HSD17B6: variants seen among roughly 807,000 people sequenced by gnomAD.
The protein encoded by HSD17B6 is 17-beta-hydroxysteroid dehydrogenase type 6.
HSD17B6 carries 16 observed loss-of-function variants against 26.4 expected under a neutral mutation model. That is an observed-to-expected ratio of 0.61 (90% CI 0.41 to 0.92). The LOEUF (loss-of-function observed/expected upper bound fraction) is 0.92. HSD17B6 is among the 40% of genes least tolerant of loss of function. The pLI is 0.00. For synonymous variants in HSD17B6, 139 were observed against 153.0 expected, an observed-to-expected ratio of 0.91 and a Z score of 0.68; for missense variants, 357 against 386.1, an observed-to-expected ratio of 0.92 and a Z score of 0.63.
chr12:56,769,823 A>G (rs1259595341), intron 1 of HSD17B6, among the ~76,000 whole-genome samples: 2 of 152,188 alleles, frequency 1.3e-5, no homozygotes, highest in Admixed American at 1.3e-4. Flanking sequence ...TATTCGAGGC[A>G]CATTCAGGTT....
At chr12:56,776,185 C>T (rs1316067134) in intron 2 of HSD17B6, among the ~76,000 whole-genome samples, 1 of 152,074 alleles carries the variant, frequency 6.6e-6, no homozygotes, top group Non-Finnish European at 1.5e-5. Context: ...CTTGGCCTTC[C>T]AAAATGTTAG....
chr12:56,766,218 C>A (rs1315102879), intron 1 of HSD17B6, among the ~76,000 whole-genome samples: 1 of 152,170 alleles, frequency 6.6e-6, no homozygotes, highest in East Asian at 1.9e-4. Context: ...TGCTGACTCT[C>A]TTTTCGGACT....
At chr12:56,778,203 C>T (rs1954633099) in intron 2 of HSD17B6, among the ~76,000 whole-genome samples, 1 of 152,224 alleles carries the variant, frequency 6.6e-6, no homozygotes, top group Non-Finnish European at 1.5e-5. Flanking sequence ...TGCCGCATTT[C>T]TCCATCTGGA....
At chr12:56,780,703 C>T (rs1230613721) in intron 2 of HSD17B6, among the ~76,000 whole-genome samples, 1 of 151,660 alleles carries the variant, frequency 6.6e-6, no homozygotes, top group African/African-American at 2.4e-5. Flanking sequence ...ACTAAAAATA[C>T]CAAAAAAATT....
At chr12:56,785,805 A>G (rs1406078853) in intron 4 of HSD17B6, 1 of 196,710 alleles carries the variant, frequency 5.1e-6, no homozygotes, top group African/African-American at 2.4e-5. Flanking sequence ...TTAATGTGAC[A>G]GGAGAAAGCA....
chr12:56,767,239 G>A (rs954855613), intron 1 of HSD17B6, among the ~76,000 whole-genome samples: 19 of 151,966 alleles, frequency 1.3e-4, no homozygotes, highest in African/African-American at 4.4e-4. Context: ...ACTGCCAGGC[G>A]CGGTGGCTCA....
At position 56,775,103 on chromosome 12, in the gene HSD17B6, G is replaced by A. The variant is rs143042700; in HGVS notation, c.313+938G>A. Among the ~76,000 whole-genome samples the A allele has an allele frequency of 3.5e-3, 531 of 152,370 alleles. 3 individuals carry two copies. The highest frequency in any genetic ancestry group is 0.012 in the African/African-American group (511 of 41,580). On this transcript the variant is annotated intron_variant, in intron 2 of 4. Coordinates refer to ENST00000322165, the MANE Select transcript of HSD17B6 (RefSeq NM_003725.4). ...GTGTGTATCAAAGCTGAGCTTAGAA[G>A]GCTGGCCTCGTCATTTGAAGGACTG...
chr12:56,785,597 C>T (rs969678508), intron 4 of HSD17B6, among the ~76,000 whole-genome samples: 1 of 152,232 alleles, frequency 6.6e-6, no homozygotes, highest in Non-Finnish European at 1.5e-5. Context: ...TGGGGCCAGG[C>T]TCTTCCCTGC....
chr12:56,776,122 C>T (rs1375929561), intron 2 of HSD17B6, among the ~76,000 whole-genome samples: 1 of 151,956 alleles, frequency 6.6e-6, no homozygotes, highest in Non-Finnish European at 1.5e-5. Flanking sequence ...GATGGGTTTT[C>T]ACCATGTTGG....
intron 3 of HSD17B6, 73 bp downstream of exon 3, chr12:56,782,305 C>G (rs3816616): frequency 0.12 from 162,830 of 1,407,904 alleles, 10,683 homozygotes; most frequent in African/African-American, 0.28. Flanking sequence ...GTTGCTTTCG[C>G]CTATCTTATT....
chr12:56,785,027 T>G lies in HSD17B6; in HGVS notation c.736+11T>G. 6.2e-7 allele frequency: 1 copy of G among 1,606,138 alleles called. No homozygotes were observed. The highest frequency in any genetic ancestry group is 8.5e-7 in the Non-Finnish European group (1 of 1,177,948). ...AGTATTTTGATGCCCGTAAGCTTTT[T>G]TCTTTTGATAGGGATAATGGGTACC... On this transcript the variant is annotated intron_variant, in intron 4 of 4. Coordinates refer to ENST00000322165, the MANE Select transcript of HSD17B6 (RefSeq NM_003725.4).
At position 56,787,285 on chromosome 12, in the gene HSD17B6, A is replaced by G. The variant is rs751410111; in HGVS notation, c.897A>G (p.Thr299=). The change falls in exon 5 of 5, where the codon ACA becomes ACG. Residue 299 remains threonine (T), a synonymous_variant. Coordinates refer to ENST00000322165, the MANE Select transcript of HSD17B6 (RefSeq NM_003725.4). ...FFFIPLSYLP[T]SLADYILTRS... ...TCATCCCTCTATCTTATTTACCTACATCACTGGCAGACTACATTTTGACTA... is the reference window on the plus strand; with the variant it reads ...TCATCCCTCTATCTTATTTACCTACGTCACTGGCAGACTACATTTTGACTA... 4.3e-6 allele frequency: 7 copies of G among 1,614,102 alleles called. No individual in the cohort carries two copies. In the Admixed American group the frequency reaches 5.0e-5, roughly 12 times the overall value.
intron 3 of HSD17B6, 39 bp downstream of exon 3, chr12:56,782,271 A>T: frequency 6.3e-7 from 1 of 1,598,314 alleles, no homozygotes; most frequent in Non-Finnish European, 8.5e-7. Context: ...TTGAGCACTG[A>T]AATATGTCTT....
At chr12:56,785,840 T>C (rs1954862488) in intron 4 of HSD17B6, 1 of 413,516 alleles carries the variant, frequency 2.4e-6, no homozygotes, top group African/African-American at 2.2e-5. Flanking sequence ...GGTAAGTCAG[T>C]GAGGATAAGT....
intron 1 of HSD17B6, among the ~76,000 whole-genome samples, chr12:56,772,130 G>A (rs1565917163): frequency 6.6e-6 from 1 of 152,068 alleles, no homozygotes; most frequent in Non-Finnish European, 1.5e-5. Flanking sequence ...TACACCTGTA[G>A]ATCTCAACTT....
chr12:56,767,952 A>G (rs2137896762), intron 1 of HSD17B6, among the ~76,000 whole-genome samples: 1 of 151,170 alleles, frequency 6.6e-6, no homozygotes, highest in East Asian at 1.9e-4. Context: ...TATGTGTGAA[A>G]CCATGTGTGT....
Position 56,782,039 on chromosome 12 carries a change from A to C in HSD17B6, c.379A>C (p.Thr127Pro). The change falls in exon 3 of 5, where the codon ACT (threonine) becomes CCT (proline). Residue 127 changes from threonine to proline, a missense_variant. By Grantham distance (38) the Thr-to-Pro change is conservative (BLOSUM62 -1). Transcript: ENST00000322165. ...TPITLCEWLN[T>P]EDSMNMLKVN... ...AATTACCTTATGTGAGTGGCTGAAC[A>C]CTGAGGACTCTATGAATATGCTCAA... is the stretch of plus-strand genomic sequence containing the variant. 2 of 1,614,198 alleles carry C rather than the reference A, an allele frequency of 1.2e-6. No individual in the cohort carries two copies. Among genetic ancestry groups the C allele is most frequent in the Non-Finnish European group, 1.7e-6 (2 of 1,180,018 alleles).
chr12:56,782,432 G>A (rs1425366217), intron 3 of HSD17B6, among the ~76,000 whole-genome samples, 200 bp downstream of exon 3: 1 of 152,044 alleles, frequency 6.6e-6, no homozygotes, highest in Non-Finnish European at 1.5e-5. Context: ...GAATTTGGCC[G>A]AACTGTGTTT....
Position 56,773,972 on chromosome 12 carries a change from C to T in HSD17B6, c.120C>T (p.Gly40=). The change falls in exon 2 of 5, where the codon GGC becomes GGT. Residue 40 remains glycine (G), a synonymous_variant. Transcript: ENST00000322165. The part of the protein sequence containing the change: ...KYVFITGCDS[G]FGNLLARQLD... Reference sequence around the variant, plus strand: ...TCTTTATCACGGGCTGTGACTCGGGCTTTGGGAACCTGCTGGCCAGACAGC... The same window carrying T: ...TCTTTATCACGGGCTGTGACTCGGGTTTTGGGAACCTGCTGGCCAGACAGC... The T allele has an allele frequency of 1.2e-6, 2 of 1,614,096 alleles. No homozygotes were observed. Among genetic ancestry groups the T allele is most frequent in the East Asian group, 2.2e-5 (1 of 44,876 alleles).
Sources: allele counts gnomAD v4.1 joint callset (sites outside exome capture counted in the v4.1 genomes callset), GRCh38; gene constraint gnomAD v4.1.1; transcripts MANE v1.5; gene names NCBI Gene and HGNC (gene_info 2026-07-23, HGNC 2026-07-21).